Variants in STRBP observed in about 807,000 individuals in gnomAD.
STRBP encodes the protein spermatid perinuclear RNA-binding protein.
Under a neutral mutation model 80.1 loss-of-function variants are expected in STRBP, and 13 were observed. The ratio of observed to expected loss-of-function variants is 0.16; its 90% CI spans 0.11 to 0.26. The LOEUF (loss-of-function observed/expected upper bound fraction) is 0.26. Among genes scored for constraint, STRBP ranks in the 10% least tolerant of loss-of-function variants. The pLI is 1.00. For synonymous variants in STRBP, 284 were observed against 291.2 expected (o/e 0.98, Z 0.25); for missense variants, 485 against 815.2 (o/e 0.59, Z 4.93).
intron 6 of STRBP, among the ~76,000 whole-genome samples, chr9:123,166,066 G>A (rs1564256527): frequency 6.6e-6 from 1 of 152,114 alleles, no homozygotes; most frequent in Admixed American, 6.5e-5. Flanking sequence ...CATCTACTAC[G>A]TATTAGGTAC....
At position 123,234,027 on chromosome 9, in the gene STRBP, C is replaced by T. The variant is rs561541603; in HGVS notation, c.-165+2803G>A. ...CATCCTGGCTAATACGGTGAAATCC[C>T]GTCTCTATTAAAAATACAAAAAAAT... On this transcript the variant is annotated intron_variant, in intron 2 of 18. Transcript: ENST00000348403. Among the ~76,000 whole-genome samples, 1,186 of 151,706 alleles carry T rather than the reference C, an allele frequency of 7.8e-3. 16 individuals carry two copies. The highest frequency in any genetic ancestry group is 0.027 in the African/African-American group (1,132 of 41,356).
At chr9:123,157,147 T>C (rs2037323285) in intron 11 of STRBP, among the ~76,000 whole-genome samples, 1 of 152,204 alleles carries the variant, frequency 6.6e-6, no homozygotes. Context: ...GCCCAAAACC[T>C]ACATTTTTTC....
chr9:123,229,863 T>G (rs959951037), intron 2 of STRBP, among the ~76,000 whole-genome samples: 2 of 152,094 alleles, frequency 1.3e-5, no homozygotes, highest in African/African-American at 2.4e-5. Flanking sequence ...CTAGGAGCAT[T>G]AAGGACCCAT....
intron 5 of STRBP, 101 bp from the exon 6 acceptor site, chr9:123,170,147 A>G: frequency 8.6e-7 from 1 of 1,167,538 alleles, no homozygotes; most frequent in East Asian, 2.9e-5. Flanking sequence ...GTTACTATTA[A>G]TATTACTGTG....
In STRBP at chr9:123,122,369, T is replaced by G; in HGVS notation, c.*3228A>C. 7.8e-7 allele frequency: 1 copy of G among 1,285,466 alleles called. No individual in the cohort carries two copies. 79.6% of individuals were successfully genotyped at this position (1,285,466 alleles called of 1,614,324 possible). ...TCCAACACCAGTTTTAAAAATACAT[T>G]AACGAGGTATTCCCAGCTCTTCAAT... On this transcript the variant is annotated 3_prime_UTR_variant, in exon 19 of 19. Transcript: ENST00000348403.
At chr9:123,200,687 C>A (rs1388333627) in intron 2 of STRBP, among the ~76,000 whole-genome samples, 10 of 142,538 alleles carry the variant, frequency 7.0e-5, no homozygotes, top group Non-Finnish European at 1.3e-4. Context: ...CCTGTCTCAG[C>A]CTCCCGAGTA....
In STRBP at chr9:123,139,400, A is replaced by C. The variant is rs181086674; in HGVS notation, c.1497+129T>G. ...ATGGAAATAAACCAAAATAATAATT[A>C]TGTCTGTCTCTGTAATTTATGTACA... On this transcript the variant is annotated intron_variant, in intron 14 of 18. Coordinates refer to ENST00000348403, the MANE Select transcript of STRBP (RefSeq NM_018387.5). 273 of 749,076 alleles carry C rather than the reference A, an allele frequency of 3.6e-4. No individual in the cohort carries two copies. In the African/African-American group the frequency reaches 4.5e-3, roughly 12 times the overall value. 46.4% of individuals were successfully genotyped at this position (749,076 alleles called of 1,614,324 possible).
chr9:123,257,534 G>T (rs957785240), intron 1 of STRBP, among the ~76,000 whole-genome samples: 1 of 152,144 alleles, frequency 6.6e-6, no homozygotes, highest in Admixed American at 6.6e-5. Flanking sequence ...TTTATCTCTG[G>T]CTGGGCACAC....
At chr9:123,119,566 G>C (rs1403594620), downstream of STRBP, among the ~76,000 whole-genome samples, 1 of 152,000 alleles carries the variant, frequency 6.6e-6, no homozygotes, top group East Asian at 1.9e-4. Flanking sequence ...GATACCAGGA[G>C]TCTTCTCCCA....
chr9:123,246,220 C>T (rs991028313), intron 1 of STRBP, among the ~76,000 whole-genome samples: 12 of 152,182 alleles, frequency 7.9e-5, no homozygotes, highest in African/African-American at 2.2e-4. Flanking sequence ...GAACATGAAA[C>T]ATTTCGAATG....
At chr9:123,224,610 C>T (rs898096546) in intron 2 of STRBP, among the ~76,000 whole-genome samples, 1 of 152,144 alleles carries the variant, frequency 6.6e-6, no homozygotes, top group Admixed American at 6.5e-5. Context: ...AACAAGAAAT[C>T]CCACCTCAAA....
chr9:123,157,110 C>T (rs894893888), intron 11 of STRBP, among the ~76,000 whole-genome samples: 4 of 152,100 alleles, frequency 2.6e-5, no homozygotes, highest in African/African-American at 9.7e-5. Context: ...AGTGGTGGAG[C>T]TATGATTGGA....
chr9:123,237,433 C>T (rs187018447), intron 1 of STRBP, among the ~76,000 whole-genome samples: 1 of 152,072 alleles, frequency 6.6e-6, no homozygotes, highest in Non-Finnish European at 1.5e-5. Context: ...AGAGAAAGAA[C>T]ACTCCAATTC....
At position 123,184,280 on chromosome 9, in the gene STRBP, C is replaced by CT; in HGVS notation, c.-147dup. The stretch of plus-strand genomic sequence containing the variant: ...CGTCAATATAGCAAATGTCTGAAGG[C>CT]TTGTTCTCTGGAACACACCTGCAAG... On this transcript the variant is annotated 5_prime_UTR_variant, in exon 3 of 19. Coordinates refer to ENST00000348403, the MANE Select transcript of STRBP (RefSeq NM_018387.5). 1 of 665,604 alleles carries CT rather than the reference C, an allele frequency of 1.5e-6. No homozygotes were observed. The highest frequency in any genetic ancestry group is 2.4e-6 in the Non-Finnish European group (1 of 409,860). 41.2% of individuals were successfully genotyped at this position (665,604 alleles called of 1,614,324 possible).
chr9:123,171,719 A>G (rs2038017754), intron 5 of STRBP, among the ~76,000 whole-genome samples: 1 of 152,210 alleles, frequency 6.6e-6, no homozygotes, highest in African/African-American at 2.4e-5. Flanking sequence ...TGTTAAATTG[A>G]AAGATACTTC....
chr9:123,174,756 T>C (rs2038149430), intron 4 of STRBP, among the ~76,000 whole-genome samples: 1 of 151,992 alleles, frequency 6.6e-6, no homozygotes, highest in African/African-American at 2.4e-5. Flanking sequence ...AATCCAGGAG[T>C]AGCTAAAAGA....
At chr9:123,200,324 T>G (rs2039268778) in intron 2 of STRBP, among the ~76,000 whole-genome samples, 1 of 152,152 alleles carries the variant, frequency 6.6e-6, no homozygotes, top group African/African-American at 2.4e-5. Context: ...TAGCTAATAT[T>G]TTGTTGAGGA....
At chr9:123,197,777 C>T (rs745762983) in intron 2 of STRBP, among the ~76,000 whole-genome samples, 2 of 143,436 alleles carry the variant, frequency 1.4e-5, no homozygotes, top group East Asian at 2.1e-4. Flanking sequence ...CGGGTTCAAG[C>T]GATTCTCCTG....
Position 123,125,197 on chromosome 9 carries a change from C to T in STRBP, c.*400G>A, listed in dbSNP as rs145274741. On this transcript the variant is annotated 3_prime_UTR_variant, in exon 19 of 19. Coordinates refer to ENST00000348403, the MANE Select transcript of STRBP (RefSeq NM_018387.5). ...ATCAACTAAGAATCAGTGACTGCAT[C>T]AGGAACCAGGCAGTACTCTGTGTTA... The T allele has an allele frequency of 1.2e-4, 116 of 988,816 alleles. No homozygotes were observed. Among genetic ancestry groups the T allele is most frequent in the Non-Finnish European group, 1.3e-4 (112 of 832,094 alleles). The allele number at this position is 988,816 out of a possible 1,614,324, so 61.3% of individuals were successfully genotyped here.
Sources: gnomAD v4.1 joint callset for allele counts (sites outside exome capture counted in the v4.1 genomes callset) on GRCh38, gnomAD v4.1.1 for gene constraint, MANE v1.5 for transcripts, NCBI Gene and HGNC (gene_info 2026-07-23, HGNC 2026-07-21) for gene names.